The following UNC93B1 variants were observed in gnomAD, a reference collection of about 807,000 sequenced individuals.
UNC93B1 encodes protein unc-93 homolog B1.
Under a neutral mutation model 56.8 loss-of-function variants are expected in UNC93B1, and 33 were observed. That is an observed-to-expected ratio of 0.58 (90% confidence interval 0.44 to 0.78). The LOEUF (loss-of-function observed/expected upper bound fraction) is 0.78. Among genes scored for constraint, UNC93B1 ranks in the 30% least tolerant of loss-of-function variants. The probability of loss-of-function intolerance (pLI) is 0.00; values close to 1 mark genes in which losing one functional copy is unlikely to be tolerated. For synonymous variants in UNC93B1, 334 were observed against 358.6 expected, an observed-to-expected ratio of 0.93 and a Z score of 0.77; for missense variants, 673 against 819.5, an observed-to-expected ratio of 0.82 and a Z score of 2.18.
rs1230708923 is a variant in UNC93B1 at position 67,999,231 on chromosome 11, C to T, written c.629G>A (p.Arg210Gln). 13 of 1,613,422 alleles carry T rather than the reference C, an allele frequency of 8.1e-6. No individual in the cohort carries two copies. Among genetic ancestry groups the T allele is most frequent in the South Asian group, 7.7e-5 (7 of 91,088 alleles). The change falls in exon 5 of 11, where the codon CGG becomes CAG. Residue 210 changes from arginine to glutamine, a missense_variant. Around this residue, in one of 3 missense-constraint regions of UNC93B1, gnomAD observed 438 missense variants for 465.9 expected, o/e 0.94. Coordinates refer to ENST00000227471, the MANE Select transcript of UNC93B1 (RefSeq NM_030930.4). ...CAGGAGATAGGGCGCGTGGGAGCCC[C>T]GCGGAGGCCGCTGCTTCATCCCCTG... ...DGQGMKQRPP[R>Q]GSHAPYLLVF...
chr11:67,997,171 AC>A (rs987773472), intron 7 of UNC93B1, among the ~76,000 whole-genome samples: 1 of 138,354 alleles, frequency 7.2e-6, no homozygotes, highest in African/African-American at 2.9e-5. Context: ...CCTCGGACAC[AC>A]CCACAGACTT....
intron 9 of UNC93B1, among the ~76,000 whole-genome samples, chr11:67,994,569 T>C (rs1856904023): frequency 6.6e-6 from 1 of 151,972 alleles, no homozygotes; most frequent in African/African-American, 2.4e-5. Flanking sequence ...CCCCCCGGGG[T>C]TCACCGGAGG....
In UNC93B1 at chr11:68,003,723, G is replaced by T; in HGVS notation, c.172C>A (p.Leu58Met). The change falls in exon 2 of 11, where the codon CTG becomes ATG. Residue 58 changes from leucine to methionine, a missense_variant. By Grantham distance (15) the Leu-to-Met change is conservative. Around this residue, in one of 3 missense-constraint regions of UNC93B1, gnomAD observed 438 missense variants for 465.9 expected, o/e 0.94. Coordinates refer to ENST00000227471, the MANE Select transcript of UNC93B1 (RefSeq NM_030930.4). This position sits in a 1 kb window ranked among gnomAD's most constrained non-coding sequence, Gnocchi z 4.4. Reference protein sequence around the residue: ...EERRYYRRKRLGVLKNVLAAS... With the variant: ...EERRYYRRKRMGVLKNVLAAS... ...GCCAGCACGTTCTTGAGCACGCCCA[G>T]GCGCTTGCGGCGGTAGTAGCGGCGC... 6.5e-7 allele frequency: 1 copy of T among 1,527,486 alleles called. No homozygotes were observed. 94.6% of individuals were successfully genotyped at this position (1,527,486 alleles called of 1,614,324 possible).
In UNC93B1 at chr11:68,003,570, G is replaced by C. The variant is rs1469899016; in HGVS notation, c.238+87C>G. The C allele has an allele frequency of 5.5e-6, 8 of 1,453,582 alleles. No homozygotes were observed. The highest frequency in any genetic ancestry group is 2.3e-5 in the Admixed American group (1 of 42,776). 90.0% of individuals were successfully genotyped at this position (1,453,582 alleles called of 1,614,324 possible). ...AGGGCAGCGGAGGGGAAGTGAGAGCGGGCGGGAGGCGGCGGCCCGCGGTTT... is the reference window on the plus strand; with the variant it reads ...AGGGCAGCGGAGGGGAAGTGAGAGCCGGCGGGAGGCGGCGGCCCGCGGTTT... On this transcript the variant is annotated intron_variant, in intron 2 of 10. Transcript: ENST00000227471. The surrounding 1 kb of genome is among the most constrained non-coding windows in gnomAD (Gnocchi z 4.4).
In UNC93B1 at chr11:67,991,354, C is replaced by T; in HGVS notation, c.*192G>A. On this transcript the variant is annotated 3_prime_UTR_variant, in exon 11 of 11. Coordinates refer to ENST00000227471, the MANE Select transcript of UNC93B1 (RefSeq NM_030930.4). ...GCTTGGCCGAGGGGTTCCCAAGGCT[C>T]CACTCCGCCTTGGAGGGGGCTGCGG... 1.9e-6 allele frequency: 1 copy of T among 522,020 alleles called. No individual in the cohort carries two copies. 32.3% of individuals were successfully genotyped at this position (522,020 alleles called of 1,614,324 possible). A position where few individuals can be genotyped will look rare whatever the true frequency, so the allele number is the denominator to read the frequency against.
At position 67,998,469 on chromosome 11, in the gene UNC93B1, A is replaced by C. The variant is rs1224300389; in HGVS notation, c.688-17T>G. On this transcript the variant is annotated splice_polypyrimidine_tract_variant and intron_variant, in intron 5 of 10. Transcript: ENST00000227471. The stretch of plus-strand genomic sequence containing the variant: ...GAAGCTCAGCTGCAGAAACAAGGGC[A>C]GTTGGGACCAGACTCAGGCACAGAG... The C allele has an allele frequency of 1.2e-6, 2 of 1,613,350 alleles. No homozygotes were observed. Among genetic ancestry groups the C allele is most frequent in the African/African-American group, 2.7e-5 (2 of 74,922 alleles).
At position 67,998,374 on chromosome 11, in the gene UNC93B1, T is replaced by C. The variant is rs1179716962; in HGVS notation, c.766A>G (p.Asn256Asp). Residue 256 changes from asparagine to aspartate, a missense_variant, in exon 6 of 11, where the codon AAT (asparagine) becomes GAT (aspartate). Coordinates refer to ENST00000227471, the MANE Select transcript of UNC93B1 (RefSeq NM_030930.4). ...YLYDLNHTLYNVQSCGTNSHG... is the reference protein window; with the variant it reads ...YLYDLNHTLYDVQSCGTNSHG... ...AAGGACTAACCGCAGCTCTGCACAT[T>C]GTACAGCGTGTGGTTCAGGTCATAC... 2.5e-6 allele frequency: 4 copies of C among 1,613,792 alleles called. No homozygotes were observed. In the African/African-American group the frequency reaches 4.0e-5, roughly 16 times the overall value.
intron 10 of UNC93B1, among the ~76,000 whole-genome samples, chr11:67,992,766 G>A (rs1203936392): frequency 6.6e-6 from 1 of 150,388 alleles, no homozygotes; most frequent in Non-Finnish European, 1.5e-5. Flanking sequence ...CCAGGTTCAA[G>A]CCATTCTTGT....
intron 3 of UNC93B1, among the ~76,000 whole-genome samples, chr11:68,002,333 T>C (rs1346024961): frequency 6.6e-6 from 1 of 152,188 alleles, no homozygotes; most frequent in Admixed American, 6.5e-5. Flanking sequence ...GGTTTCTTTT[T>C]TATGATTTCA....
intron 6 of UNC93B1, 108 bp downstream of exon 6, chr11:67,998,251 G>A (rs569826127): frequency 1.9e-5 from 24 of 1,295,936 alleles, no homozygotes; most frequent in Middle Eastern, 1.9e-4. Flanking sequence ...CACCAGAGCC[G>A]TGGGGCACTG....
At chr11:67,996,049 C>T (rs1404821467) in intron 8 of UNC93B1, 165 bp from the exon 9 acceptor site, 1 of 469,542 alleles carries the variant, frequency 2.1e-6, no homozygotes, top group East Asian at 3.6e-5. Context: ...GGGTGCCTCA[C>T]CCCCCTGCGA....
At chr11:67,992,604 T>C (rs1185660703) in intron 10 of UNC93B1, among the ~76,000 whole-genome samples, 1 of 151,610 alleles carries the variant, frequency 6.6e-6, no homozygotes, top group Non-Finnish European at 1.5e-5. Context: ...TCCCAAAGTG[T>C]TGGGATTACA....
chr11:67,996,419 T>G (rs1383334107), intron 8 of UNC93B1, among the ~76,000 whole-genome samples, 183 bp downstream of exon 8: 4 of 151,698 alleles, frequency 2.6e-5, no homozygotes, highest in Non-Finnish European at 5.9e-5. Flanking sequence ...GAAGTTAAAA[T>G]AACTTGCCCA....
intron 8 of UNC93B1, 80 bp downstream of exon 8, chr11:67,996,522 A>T: frequency 6.9e-7 from 1 of 1,455,732 alleles, no homozygotes; most frequent in South Asian, 1.4e-5. Context: ...GTAATTAAAA[A>T]TTATTCTTTG....
At chr11:67,996,438 G>T (rs1461286382) in intron 8 of UNC93B1, among the ~76,000 whole-genome samples, 164 bp downstream of exon 8, 4 of 152,162 alleles carry the variant, frequency 2.6e-5, no homozygotes, top group Admixed American at 6.5e-5. Flanking sequence ...CAAGGTAAAG[G>T]GGGGACGGGG....
intron 9 of UNC93B1, among the ~76,000 whole-genome samples, chr11:67,995,197 G>A (rs528021461): frequency 1.3e-5 from 2 of 152,282 alleles, no homozygotes; most frequent in South Asian, 4.1e-4. Context: ...CCTGTCCCCT[G>A]GTATGAAAAG....
Position 68,003,570 on chromosome 11 carries a change from G to T in UNC93B1, c.238+87C>A, listed in dbSNP as rs1469899016. ...AGGGCAGCGGAGGGGAAGTGAGAGC[G>T]GGCGGGAGGCGGCGGCCCGCGGTTT... On this transcript the variant is annotated intron_variant, in intron 2 of 10. Transcript: ENST00000227471. This position sits in a 1 kb window ranked among gnomAD's most constrained non-coding sequence, Gnocchi z 4.4. 1.0e-5 allele frequency: 15 copies of T among 1,453,468 alleles called. No homozygotes were observed. The highest frequency in any genetic ancestry group is 2.4e-4 in the Middle Eastern group (1 of 4,148). The allele number at this position is 1,453,468 out of a possible 1,614,324, so 90.0% of individuals were successfully genotyped here.
chr11:68,003,460 G>T lies in UNC93B1; in HGVS notation c.238+197C>A, dbSNP rs35162070. ...CGGACCCCCGTCCCCCACCCACACC[G>T]AGGCTCTGGCTGGGACCCGGGGACG... On this transcript the variant is annotated intron_variant, in intron 2 of 10. Coordinates refer to ENST00000227471, the MANE Select transcript of UNC93B1 (RefSeq NM_030930.4). The surrounding 1 kb of genome is among the most constrained non-coding windows in gnomAD (Gnocchi z 4.4). 2.2e-6 allele frequency: 2 copies of T among 905,764 alleles called. No homozygotes were observed. Among genetic ancestry groups the T allele is most frequent in the South Asian group, 1.9e-5 (1 of 51,830 alleles). 56.1% of individuals were successfully genotyped at this position (905,764 alleles called of 1,614,324 possible).
At position 68,003,030 on chromosome 11, in the gene UNC93B1, C is replaced by G. The variant is rs769816051; in HGVS notation, c.384G>C (p.Val128=). 1 of 1,611,444 alleles carries G rather than the reference C, an allele frequency of 6.2e-7. No homozygotes were observed. The highest frequency in any genetic ancestry group is 2.2e-5 in the East Asian group (1 of 44,754). ...GGAGCAGCCGCGCCCACCTGATGAG[C>G]ACAGGTGTGTAGAGCAGGGCGGCGA... is the stretch of plus-strand genomic sequence containing the variant. ...TPIAALLYTP[V]LIRFFGTKWM... Residue 128 remains valine (V), a synonymous_variant, in exon 3 of 11, where the codon GTG becomes GTC. Transcript: ENST00000227471. This position sits in a 1 kb window ranked among gnomAD's most constrained non-coding sequence, Gnocchi z 4.4.
Sources: gnomAD v4.1 joint callset for allele counts (sites outside exome capture counted in the v4.1 genomes callset) on GRCh38, gnomAD v4.1.1 for gene constraint, gnomAD v4.1.1 regional missense constraint, Gnocchi (gnomAD v3.1) non-coding constraint, MANE v1.5 for transcripts, NCBI Gene and HGNC (gene_info 2026-07-23, HGNC 2026-07-21) for gene names.